The following RNF213 variants were observed in gnomAD, a reference collection of about 807,000 sequenced individuals.
The protein encoded by RNF213 is E3 ubiquitin-protein ligase RNF213.
A neutral mutation model predicts 514.4 loss-of-function variants in RNF213; 341 were observed. The observed-to-expected ratio is 0.66, with a 90% CI of 0.61 to 0.73. RNF213 has a LOEUF of 0.73. RNF213 is among the 30% of genes least tolerant of loss of function. The pLI is 0.00. For synonymous variants in RNF213, 2,655 were observed against 2,658.2 expected, an observed-to-expected ratio of 1.00 and a Z score of 0.04; for missense variants, 5,767 against 6,615.6, an observed-to-expected ratio of 0.87 and a Z score of 4.45.
chr17:80,389,069 C>G, intron 64 of RNF213, 104 bp from the exon 65 acceptor site: 1 of 1,111,018 alleles, frequency 9.0e-7, no homozygotes. Flanking sequence ...GAGTTGGCCC[C>G]CCGCATGTGG....
At position 80,353,446 on chromosome 17, in the gene RNF213, G is replaced by A; in HGVS notation, c.10424-66G>A. On this transcript the variant is annotated intron_variant, in intron 33 of 67. Coordinates refer to ENST00000582970, the MANE Select transcript of RNF213 (RefSeq NM_001256071.3). This position sits in a 1 kb window ranked among gnomAD's most constrained non-coding sequence, Gnocchi z 5.0. ...AGGCTGAGCACACAGACTCCCAGATGGCACCGCTGCCAGTCCCTGTGCCAC... is the reference window on the plus strand; with the variant it reads ...AGGCTGAGCACACAGACTCCCAGATAGCACCGCTGCCAGTCCCTGTGCCAC... The A allele has an allele frequency of 6.5e-7, 1 of 1,536,264 alleles. No homozygotes were observed.
intron 3 of RNF213, among the ~76,000 whole-genome samples, chr17:80,283,802 C>T (rs1373424138): frequency 1.3e-5 from 2 of 152,210 alleles, no homozygotes; most frequent in Non-Finnish European, 2.9e-5. Flanking sequence ...CAGGATTCTC[C>T]GTCTATTTCT....
chr17:80,291,164 T>C (rs1047427183), intron 7 of RNF213, among the ~76,000 whole-genome samples: 2 of 152,176 alleles, frequency 1.3e-5, no homozygotes, highest in African/African-American at 4.8e-5. Flanking sequence ...TTCTGGAAGA[T>C]GAATATTTCA....
intron 10 of RNF213, among the ~76,000 whole-genome samples, chr17:80,296,734 A>G (rs960090388): frequency 5.3e-5 from 8 of 152,080 alleles, no homozygotes; most frequent in Non-Finnish European, 8.8e-5. Flanking sequence ...CCCAGTCTGG[A>G]GTGCAGTGGA....
At chr17:80,340,572 C>T (rs1324502511) in intron 26 of RNF213, 7 of 578,334 alleles carry the variant, frequency 1.2e-5, no homozygotes, top group Non-Finnish European at 2.2e-5. Flanking sequence ...CCATTCCCTT[C>T]CTCCTCTCAG....
At chr17:80,273,136 G>C in intron 2 of RNF213, 105 bp from the exon 3 acceptor site, 1 of 1,471,658 alleles carries the variant, frequency 6.8e-7, no homozygotes, top group South Asian at 1.1e-5. Context: ...CTCGGAGGGA[G>C]AACAGGGTGA....
chr17:80,309,842 G>A (rs573230171), intron 14 of RNF213, among the ~76,000 whole-genome samples: 2 of 151,950 alleles, frequency 1.3e-5, no homozygotes, highest in Admixed American at 6.6e-5. Flanking sequence ...TGCAAGCTCC[G>A]CCTCCTGGGT....
rs772413887 is a variant in RNF213 at position 80,346,347 on chromosome 17, T to G, written c.8012T>G (p.Val2671Gly). 46 of 1,613,598 alleles carry G rather than the reference T, an allele frequency of 2.9e-5. No homozygotes were observed. Among genetic ancestry groups the G allele is most frequent in the Non-Finnish European group, 3.7e-5 (44 of 1,180,014 alleles). ...AATGCCTTTCTCTCCAAGTCCAGCG[T>G]CAGCAAAAATCACACCGAGAGAGAT... ...QLNAFLSKSS[V>G]SKNHTERDPV... Residue 2671 changes from valine (V) to glycine (G), a missense_variant, in exon 29 of 68, where the codon GTC becomes GGC. This residue lies in a region of RNF213 where 1,377 missense variants were observed against 1,635.2 expected (regional missense o/e 0.84). Coordinates refer to ENST00000582970, the MANE Select transcript of RNF213 (RefSeq NM_001256071.3). The surrounding 1 kb of genome is among the most constrained non-coding windows in gnomAD (Gnocchi z 8.1).
intron 10 of RNF213, among the ~76,000 whole-genome samples, chr17:80,297,083 T>A (rs1315052532): frequency 6.6e-6 from 1 of 152,162 alleles, no homozygotes; most frequent in East Asian, 1.9e-4. Flanking sequence ...GCTTAAAGTA[T>A]GAGGAATCAT....
In RNF213 at chr17:80,353,613, A is replaced by G. The variant is rs145028335; in HGVS notation, c.10525A>G (p.Thr3509Ala). The G allele has an allele frequency of 6.8e-6, 11 of 1,614,080 alleles. No individual in the cohort carries two copies. Among genetic ancestry groups the G allele is most frequent in the Non-Finnish European group, 8.5e-6 (10 of 1,180,036 alleles). ...VAEVAEEAME[T>A]ESSEKVGKET... ...AGAGGTGGCAGAGGAGGCCATGGAA[A>G]CAGAAAGTTCTGAGAAGGTGGGAAA... The change falls in exon 34 of 68, where the codon ACA becomes GCA. Residue 3509 changes from threonine to alanine, a missense_variant. Physicochemically the swap from Thr to Ala is moderately conservative, Grantham distance 58 (BLOSUM62 0). Coordinates refer to ENST00000582970, the MANE Select transcript of RNF213 (RefSeq NM_001256071.3). The surrounding 1 kb of genome is among the most constrained non-coding windows in gnomAD (Gnocchi z 5.0).
At chr17:80,385,771 G>A in intron 61 of RNF213, 150 bp downstream of exon 61, 1 of 722,360 alleles carries the variant, frequency 1.4e-6, no homozygotes, top group Non-Finnish European at 2.4e-6. Flanking sequence ...CGCCAGGCTG[G>A]AGTGCAGTGG....
rs1344625886 is a variant in RNF213 at position 80,372,674 on chromosome 17, C to T, written c.12691C>T (p.Arg4231Trp). Residue 4231 changes from arginine (R) to tryptophan (W), a missense_variant, in exon 48 of 68, where the codon CGG (arginine) becomes TGG (tryptophan). This residue lies in a region of RNF213 where 1,245 missense variants were observed against 1,339.0 expected (regional missense o/e 0.93). Transcript: ENST00000582970. ...GGTTGAATACCTGCAAGAGGTGGCC[C>T]GGATCCGCCTCTGCCTCGACAGAGC... The part of the protein sequence containing the change: ...ASVEYLQEVA[R>W]IRLCLDRAAD... 2.5e-6 allele frequency: 4 copies of T among 1,614,014 alleles called. No homozygotes were observed. The highest frequency in any genetic ancestry group is 2.2e-5 in the East Asian group (1 of 44,874).
chr17:80,274,923 G>A (rs1306104380), intron 3 of RNF213, among the ~76,000 whole-genome samples: 38 of 88,356 alleles, frequency 4.3e-4, no homozygotes, highest in Non-Finnish European at 8.0e-4. Flanking sequence ...TGGGGTGTGA[G>A]TGGGGTGTGT....
rs753019189 is a variant in RNF213, at chr17:80,377,033, T to C, written c.13510+70T>C. 102 of 1,259,920 alleles carry C rather than the reference T, an allele frequency of 8.1e-5. No individual in the cohort carries two copies. The highest frequency in any genetic ancestry group is 1.1e-4 in the Non-Finnish European group (93 of 870,526). The allele number at this position is 1,259,920 out of a possible 1,614,324, so 78.0% of individuals were successfully genotyped here. A position where few individuals can be genotyped will look rare whatever the true frequency, so the allele number is the denominator to read the frequency against. ...AAGGGTGTCCAGATGCTATGAAGCATTGGGTTCGACTTGGGGTCCACGTGG... is the reference window on the plus strand; with the variant it reads ...AAGGGTGTCCAGATGCTATGAAGCACTGGGTTCGACTTGGGGTCCACGTGG... On this transcript the variant is annotated intron_variant, in intron 53 of 67. Coordinates refer to ENST00000582970, the MANE Select transcript of RNF213 (RefSeq NM_001256071.3). This position sits in a 1 kb window ranked among gnomAD's most constrained non-coding sequence, Gnocchi z 4.1.
At chr17:80,374,726 G>A (rs748643960) in intron 50 of RNF213, 137 bp downstream of exon 50, 68 of 1,065,690 alleles carry the variant, frequency 6.4e-5, no homozygotes, top group South Asian at 3.0e-4. Flanking sequence ...TGGAAGTCAC[G>A]TGCCCACAGC....
In RNF213 at chr17:80,398,276, CTT is replaced by C. The variant is rs924280990; in HGVS notation, c.*4780_*4781del. ...TGTGTGTGTGCCCTTTTTACCTGTT[CTT>C]TGTTTTGTGGTATGCGTGTAGGGTG... is the stretch of plus-strand genomic sequence containing the variant. On this transcript the variant is annotated 3_prime_UTR_variant, in exon 68 of 68. Transcript: ENST00000582970. The C allele has an allele frequency of 2.6e-5, 4 of 152,000 alleles. No homozygotes were observed. Among genetic ancestry groups the C allele is most frequent in the Non-Finnish European group, 5.9e-5 (4 of 67,982 alleles). 9.4% of individuals were successfully genotyped at this position (152,000 alleles called of 1,614,324 possible).
intron 11 of RNF213, among the ~76,000 whole-genome samples, chr17:80,302,214 G>A (rs1160760484): frequency 6.6e-6 from 1 of 152,206 alleles, no homozygotes; most frequent in Non-Finnish European, 1.5e-5. Context: ...GGGTCCTAGA[G>A]CAGTATGGAA....
At chr17:80,392,418 A>C (rs1221365834) in intron 67 of RNF213, among the ~76,000 whole-genome samples, 1 of 152,210 alleles carries the variant, frequency 6.6e-6, no homozygotes, top group Non-Finnish European at 1.5e-5. Flanking sequence ...GTAAATAAAC[A>C]TCACCTTGCT....
At chr17:80,386,615 C>G (rs1188874778) in intron 62 of RNF213, 75 bp from the exon 63 acceptor site, 1 of 1,529,684 alleles carries the variant, frequency 6.5e-7, no homozygotes, top group Non-Finnish European at 9.1e-7. Flanking sequence ...GAAATGGGAG[C>G]CTGCTCCCTG....
Sources: gnomAD v4.1 joint callset for allele counts (sites outside exome capture counted in the v4.1 genomes callset) on GRCh38, gnomAD v4.1.1 for gene constraint, gnomAD v4.1.1 regional missense constraint, Gnocchi (gnomAD v3.1) non-coding constraint, MANE v1.5 for transcripts, NCBI Gene and HGNC (gene_info 2026-07-23, HGNC 2026-07-21) for gene names.